The following R3HDM1 variants were observed in gnomAD, a reference collection of about 807,000 sequenced individuals.
The protein encoded by R3HDM1 is R3H domain containing 1, also known as R3H domain-containing protein 1.
In R3HDM1, 46 loss-of-function variants were observed where a neutral mutation model predicts 141.1. The observed-to-expected ratio is 0.33, with a 90% CI of 0.26 to 0.42. R3HDM1 has a LOEUF of 0.42. Ranked by LOEUF, R3HDM1 falls within the 10% of genes least tolerant of loss-of-function variation. The pLI is 1.00. For synonymous variants in R3HDM1, 435 were observed against 472.9 expected, an observed-to-expected ratio of 0.92 and a Z score of 1.04; for missense variants, 1,184 against 1,368.3, an observed-to-expected ratio of 0.87 and a Z score of 2.12.
intron 23 of R3HDM1, among the ~76,000 whole-genome samples, chr2:135,711,819 C>T (rs1263672922): frequency 2.0e-5 from 3 of 151,950 alleles, no homozygotes; most frequent in Non-Finnish European, 2.9e-5. Context: ...CTTAGCTGGA[C>T]GTGGTGGCGG....
intron 24 of R3HDM1, among the ~76,000 whole-genome samples, chr2:135,716,781 G>A (rs1310103868): frequency 1.3e-5 from 2 of 152,036 alleles, no homozygotes; most frequent in Admixed American, 6.6e-5. Flanking sequence ...GTGAAACCCT[G>A]TCTCTACTAA....
At chr2:135,666,553 A>G (rs1021557852) in intron 19 of R3HDM1, among the ~76,000 whole-genome samples, 1 of 152,128 alleles carries the variant, frequency 6.6e-6, no homozygotes. Flanking sequence ...AGCCAAATAT[A>G]TCTGGTAAGT....
intron 3 of R3HDM1, chr2:135,605,699 T>G (rs2059985331): frequency 6.6e-6 from 1 of 150,854 alleles, no homozygotes; most frequent in African/African-American, 2.5e-5. Flanking sequence ...TATTTTATTT[T>G]TTTGAGATGG....
chr2:135,681,524 A>C (rs1339944889), intron 21 of R3HDM1, among the ~76,000 whole-genome samples: 2 of 152,200 alleles, frequency 1.3e-5, no homozygotes, highest in Non-Finnish European at 2.9e-5. Context: ...CTAAAGCGTG[A>C]GAAAATGTGA....
chr2:135,667,589 A>C (rs943169763), intron 19 of R3HDM1: 108 of 923,584 alleles, frequency 1.2e-4, no homozygotes, highest in Non-Finnish European at 1.4e-4. Flanking sequence ...TTTAATTCTA[A>C]TATACTAAAA....
intron 26 of R3HDM1, 96 bp downstream of exon 26, chr2:135,722,649 T>A (rs2076804336): frequency 1.6e-6 from 2 of 1,220,760 alleles, no homozygotes; most frequent in South Asian, 2.9e-5. Flanking sequence ...CTTCCTAGAA[T>A]CCTGCAAAAA....
intron 15 of R3HDM1, among the ~76,000 whole-genome samples, chr2:135,642,636 A>G (rs1309361968): frequency 1.3e-5 from 2 of 152,224 alleles, no homozygotes; most frequent in African/African-American, 2.4e-5. Context: ...TGATCTTTTG[A>G]TAACTTTAAA....
intron 2 of R3HDM1, 51 bp from the exon 3 acceptor site, chr2:135,604,755 A>G (rs947198960): frequency 1.5e-6 from 2 of 1,330,398 alleles, no homozygotes; most frequent in African/African-American, 1.4e-5. Context: ...AGTATCATGC[A>G]GTAACTGAAT....
intron 2 of R3HDM1, among the ~76,000 whole-genome samples, chr2:135,604,072 T>G (rs1384248958): frequency 6.6e-6 from 1 of 152,236 alleles, no homozygotes; most frequent in Admixed American, 6.5e-5. Flanking sequence ...GGATTCCATA[T>G]TCTAGAGTGC....
intron 1 of R3HDM1, among the ~76,000 whole-genome samples, chr2:135,571,360 G>A (rs1704057664): frequency 6.6e-6 from 1 of 151,508 alleles, no homozygotes; most frequent in East Asian, 1.9e-4. Context: ...GAGTCTTGCT[G>A]TGTTGTCCAG....
Position 135,722,389 on chromosome 2 carries a change from T to G in R3HDM1, c.2965-80T>G, listed in dbSNP as rs1376691838. ...GTGCAAAACCCAAACTAAAGGTGTTTTGGTGTTAATTTGTTAAACATCCAA... is the reference window on the plus strand; with the variant it reads ...GTGCAAAACCCAAACTAAAGGTGTTGTGGTGTTAATTTGTTAAACATCCAA... On this transcript the variant is annotated intron_variant, in intron 25 of 26. Transcript: ENST00000683871. 12 of 1,448,050 alleles carry G rather than the reference T, an allele frequency of 8.3e-6. No individual in the cohort carries two copies. The East Asian group carries it at 2.3e-4, about 28-fold the overall frequency. 89.7% of individuals were successfully genotyped at this position (1,448,050 alleles called of 1,614,324 possible). A position where few individuals can be genotyped will look rare whatever the true frequency, so the allele number is the denominator to read the frequency against.
intron 1 of R3HDM1, chr2:135,581,166 G>A (rs1559164411): frequency 1.0e-6 from 1 of 984,038 alleles, no homozygotes; most frequent in Non-Finnish European, 1.2e-6. Context: ...GGAAATCTAA[G>A]CAGGAACTAA....
intron 11 of R3HDM1, 36 bp from the exon 12 acceptor site, chr2:135,638,582 A>G (rs770976007): frequency 2.5e-6 from 4 of 1,572,742 alleles, no homozygotes; most frequent in East Asian, 2.2e-5. Flanking sequence ...TATATTTGAC[A>G]AAAGCTCAAC....
At chr2:135,562,437 C>G (rs1217431200) in intron 1 of R3HDM1, among the ~76,000 whole-genome samples, 1 of 152,164 alleles carries the variant, frequency 6.6e-6, no homozygotes, top group Admixed American at 6.5e-5. Flanking sequence ...AATGCCAATT[C>G]TTAATTATTT....
At position 135,661,316 on chromosome 2, in the gene R3HDM1, C is replaced by T. The variant is rs775629201; in HGVS notation, c.2075C>T (p.Pro692Leu). 89 of 1,613,824 alleles carry T rather than the reference C, an allele frequency of 5.5e-5. No individual in the cohort carries two copies. The highest frequency in any genetic ancestry group is 7.3e-5 in the Non-Finnish European group (86 of 1,179,818). The change falls in exon 19 of 27, where the codon CCT becomes CTT. Residue 692 changes from proline to leucine, a missense_variant. Transcript: ENST00000683871. ...CAPGHYHSSQ[P>L]QYRPVPSVHY... ...CCAGGCCACTATCACTCCAGCCAAC[C>T]TCAGTATCGCCCAGTCCCTTCTGTT...
chr2:135,597,009 C>T (rs2059249647), intron 1 of R3HDM1: 1 of 982,958 alleles, frequency 1.0e-6, no homozygotes, highest in Non-Finnish European at 1.2e-6. Flanking sequence ...TATGAGAGGC[C>T]CATTGTCTTC....
At chr2:135,555,637 C>T (rs998552477) in intron 1 of R3HDM1, among the ~76,000 whole-genome samples, 3 of 152,112 alleles carry the variant, frequency 2.0e-5, no homozygotes, top group African/African-American at 7.2e-5. Context: ...CACTATTTAT[C>T]GTAGTGAAAA....
chr2:135,663,926 C>T (rs200174369), intron 19 of R3HDM1, among the ~76,000 whole-genome samples: 9 of 150,210 alleles, frequency 6.0e-5, no homozygotes, highest in East Asian at 6.0e-4. Flanking sequence ...ACCAGCTACT[C>T]GGGAGGCTGA....
At chr2:135,564,405 C>T (rs977202390) in intron 1 of R3HDM1, among the ~76,000 whole-genome samples, 4 of 152,176 alleles carry the variant, frequency 2.6e-5, no homozygotes, top group Admixed American at 6.5e-5. Context: ...CTGCAACCTC[C>T]GCCTCCCAGG....
Sources: allele counts gnomAD v4.1 joint callset (sites outside exome capture counted in the v4.1 genomes callset), GRCh38; gene constraint gnomAD v4.1.1; transcripts MANE v1.5; gene names NCBI Gene and HGNC (gene_info 2026-07-23, HGNC 2026-07-21).